Variants in PTER observed in about 807,000 individuals in gnomAD.
PTER encodes the protein phosphotriesterase related.
PTER carries 38 observed loss-of-function variants against 29.6 expected under a neutral mutation model. That is an observed-to-expected ratio of 1.28 (90% CI 0.99 to 1.68). PTER has a LOEUF of 1.68. PTER is among the 40% of genes most tolerant of loss of function. The pLI is 0.00. For missense variants in PTER, 482 were observed against 427.8 expected (o/e 1.13, Z -1.12); for synonymous variants, 172 against 154.5 (o/e 1.11, Z -0.84).
Position 16,486,627 on chromosome 10 carries a change from C to T in PTER, c.698+10C>T. 1.9e-6 allele frequency: 3 copies of T among 1,598,032 alleles called. No homozygotes were observed. The highest frequency in any genetic ancestry group is 2.2e-5 in the South Asian group (2 of 89,228). On this transcript the variant is annotated intron_variant, in intron 3 of 4. Coordinates refer to ENST00000535784, the MANE Select transcript of PTER (RefSeq NM_001261836.2). The stretch of plus-strand genomic sequence containing the variant: ...TGTCACACCTGGATAGGTAAGTAGG[C>T]TGTCTTACAAATGGATGCAAACTGC...
At chr10:16,446,500 G>A (rs1834017672) in intron 1 of PTER, among the ~76,000 whole-genome samples, 1 of 152,120 alleles carries the variant, frequency 6.6e-6, no homozygotes, top group African/African-American at 2.4e-5. Flanking sequence ...GCCTGTTAGT[G>A]TAGTTAGATA....
downstream of PTER, chr10:16,513,966 A>C (rs1588639537): frequency 1.4e-5 from 3 of 212,522 alleles, no homozygotes; most frequent in East Asian, 3.0e-4. Flanking sequence ...AGAAAATTCC[A>C]GGTTAAGGCT....
At chr10:16,488,621 A>T (rs1835788986) in intron 3 of PTER, among the ~76,000 whole-genome samples, 1 of 151,530 alleles carries the variant, frequency 6.6e-6, no homozygotes, top group Admixed American at 6.6e-5. Flanking sequence ...AGAGAGAGAG[A>T]GAGAGAGTCT....
At chr10:16,504,627 T>C (rs1836490373) in intron 3 of PTER, among the ~76,000 whole-genome samples, 1 of 152,190 alleles carries the variant, frequency 6.6e-6, no homozygotes, top group Non-Finnish European at 1.5e-5. Flanking sequence ...AGATTTCCTT[T>C]AATAGTTTTC....
chr10:16,505,278 C>T, intron 4 of PTER, 118 bp downstream of exon 4: 2 of 1,288,766 alleles, frequency 1.6e-6, no homozygotes, highest in Non-Finnish European at 2.1e-6. Context: ...CACAGACTTG[C>T]AGAGAAAAAT....
chr10:16,487,851 C>CCTGATTATCAGCAAT (rs1835761061), intron 3 of PTER, among the ~76,000 whole-genome samples: 1 of 152,086 alleles, frequency 6.6e-6, no homozygotes. Flanking sequence ...GATTATCAGA[C>CCTGATTATCAGCAAT]CAGACAGATT....
chr10:16,500,476 T>A (rs1343089795), intron 3 of PTER, among the ~76,000 whole-genome samples: 1 of 152,084 alleles, frequency 6.6e-6, no homozygotes, highest in Non-Finnish European at 1.5e-5. Flanking sequence ...AGTCTCAAAC[T>A]CCTGAGCTCA....
chr10:16,476,860 G>A (rs1415073108), intron 1 of PTER, among the ~76,000 whole-genome samples: 3 of 150,430 alleles, frequency 2.0e-5, no homozygotes, highest in East Asian at 1.9e-4. Context: ...GCTGTGCCTG[G>A]CATTGGGGTT....
chr10:16,464,985 A>C (rs1564392023), intron 1 of PTER, among the ~76,000 whole-genome samples: 1 of 152,172 alleles, frequency 6.6e-6, no homozygotes, highest in Non-Finnish European at 1.5e-5. Context: ...ATTCCTCTTT[A>C]TAAAACCATC....
intron 1 of PTER, among the ~76,000 whole-genome samples, chr10:16,454,056 A>T (rs1020504731): frequency 4.6e-5 from 7 of 152,168 alleles, no homozygotes; most frequent in African/African-American, 1.7e-4. Flanking sequence ...TCTTGGGGAA[A>T]TAGTGATATG....
chr10:16,448,743 C>A (rs181781603), intron 1 of PTER, among the ~76,000 whole-genome samples: 13 of 152,290 alleles, frequency 8.5e-5, no homozygotes, highest in African/African-American at 3.1e-4. Context: ...ATCGGGGTCC[C>A]TCTGAACAAG....
intron 3 of PTER, among the ~76,000 whole-genome samples, chr10:16,493,318 G>A (rs1286847749): frequency 6.6e-6 from 1 of 152,190 alleles, no homozygotes; most frequent in East Asian, 1.9e-4. Context: ...ATATCGTTAA[G>A]TAGTACAGGG....
At chr10:16,514,396 G>A (rs1415585674), downstream of PTER, 2 of 680,272 alleles carry the variant, frequency 2.9e-6, no homozygotes, top group East Asian at 2.6e-5. Context: ...GAGTCAGGTA[G>A]CATTTGATTT....
At chr10:16,443,042 T>A (rs1474986266) in intron 1 of PTER, among the ~76,000 whole-genome samples, 4 of 152,120 alleles carry the variant, frequency 2.6e-5, no homozygotes, top group Admixed American at 2.6e-4. Flanking sequence ...TTCTGTAGCT[T>A]AGATTAGATG....
At chr10:16,487,694 C>G (rs1052415150) in intron 3 of PTER, among the ~76,000 whole-genome samples, 2 of 152,106 alleles carry the variant, frequency 1.3e-5, no homozygotes, top group Admixed American at 6.6e-5. Context: ...ATTTTATGAA[C>G]AAGTCTAACT....
chr10:16,504,938 A>G (rs1564410355), intron 3 of PTER, 82 bp from the exon 4 acceptor site: 2 of 1,490,968 alleles, frequency 1.3e-6, no homozygotes, highest in South Asian at 2.6e-5. Context: ...GTTCTTGTAC[A>G]TTGTGTGCTT....
At chr10:16,514,416 T>C (rs1293706310), downstream of PTER, 5 of 804,974 alleles carry the variant, frequency 6.2e-6, no homozygotes, top group Middle Eastern at 3.0e-4. Context: ...TCCCCACATA[T>C]ACACAACTGA....
intron 3 of PTER, among the ~76,000 whole-genome samples, chr10:16,499,393 G>A (rs1199051850): frequency 6.6e-6 from 1 of 151,686 alleles, no homozygotes; most frequent in Admixed American, 6.6e-5. Context: ...AGAATTTAAA[G>A]GAATTCATTC....
chr10:16,495,814 T>C (rs1165752588), intron 3 of PTER, among the ~76,000 whole-genome samples: 3 of 152,198 alleles, frequency 2.0e-5, no homozygotes, highest in Admixed American at 2.0e-4. Flanking sequence ...AATACCTGCA[T>C]TGTGGGTCAC....
Sources: gnomAD v4.1 joint callset for allele counts (sites outside exome capture counted in the v4.1 genomes callset) on GRCh38, gnomAD v4.1.1 for gene constraint, MANE v1.5 for transcripts, NCBI Gene and HGNC (gene_info 2026-07-23, HGNC 2026-07-21) for gene names.